Variants in SLC4A3 observed in about 807,000 individuals in gnomAD.
SLC4A3 encodes the protein anion exchange protein 3.
SLC4A3 carries 47 observed loss-of-function variants against 114.2 expected under a neutral mutation model. That is an observed-to-expected ratio of 0.41 (90% confidence interval 0.33 to 0.52). The LOEUF (loss-of-function observed/expected upper bound fraction) is 0.52, where lower values mean the gene tolerates loss of function less well. Ranked by LOEUF, SLC4A3 falls within the 20% of genes least tolerant of loss-of-function variation. The pLI, the probability that SLC4A3 is intolerant of heterozygous loss-of-function variation, is 0.21. For missense variants in SLC4A3, 1,312 were observed against 1,668.3 expected, an observed-to-expected ratio of 0.79 and a Z score of 3.72; for synonymous variants, 693 against 710.3, an observed-to-expected ratio of 0.98 and a Z score of 0.39.
rs1698831972 is a variant in SLC4A3, at chr2:219,629,274, TGC to T, written c.349_350del (p.Ala117SerfsTer19). 1 of 1,613,728 alleles carries T rather than the reference TGC, an allele frequency of 6.2e-7. No homozygotes were observed. The highest frequency in any genetic ancestry group is 1.3e-5 in the African/African-American group (1 of 74,898). On this transcript the variant is annotated frameshift_variant, in exon 4 of 23. Coordinates refer to ENST00000358055, the MANE Select transcript of SLC4A3 (RefSeq NM_005070.4). LOFTEE classifies it high-confidence loss of function. Reference protein sequence around the residue: ...RRKRKKEKTSAPPSEGTPPIQ... With the variant: ...RRKRKKEKTSXPPSEGTPPIQ... ...GAAAGAGGAAGAAGGAGAAAACCTCTGCTCCTCCCTCCGAGGGGACCCCTCCC... is the reference window on the plus strand; with the variant it reads ...GAAAGAGGAAGAAGGAGAAAACCTCTTCCTCCCTCCGAGGGGACCCCTCCC...
At position 219,631,155 on chromosome 2, in the gene SLC4A3, A is replaced by C; in HGVS notation, c.811+803A>C. ...CCACCTTCAGCTCTGGTTGGACAGAAGCCACCCCGTCCAGGCTCCCACCTT... is the reference window on the plus strand; with the variant it reads ...CCACCTTCAGCTCTGGTTGGACAGACGCCACCCCGTCCAGGCTCCCACCTT... On this transcript the variant is annotated intron_variant, in intron 6 of 22. Transcript: ENST00000358055. This position sits in a 1 kb window ranked among gnomAD's most constrained non-coding sequence, Gnocchi z 6.3. 2 of 1,179,748 alleles carry C rather than the reference A, an allele frequency of 1.7e-6. No homozygotes were observed. The highest frequency in any genetic ancestry group is 2.2e-6 in the Non-Finnish European group (2 of 927,682). 73.1% of individuals were successfully genotyped at this position (1,179,748 alleles called of 1,614,324 possible). A position where few individuals can be genotyped will look rare whatever the true frequency, so the allele number is the denominator to read the frequency against.
Position 219,639,430 on chromosome 2 carries a change from C to A in SLC4A3, c.3024-52C>A. 1.3e-6 allele frequency: 2 copies of A among 1,588,970 alleles called. No homozygotes were observed. The highest frequency in any genetic ancestry group is 1.1e-5 in the South Asian group (1 of 88,670). ...TCTCTGTGTGCGTGCCTGTCTTTGT[C>A]CCCTGCCCCTGCCAGGCCAGCCACA... On this transcript the variant is annotated intron_variant, in intron 19 of 22. Coordinates refer to ENST00000358055, the MANE Select transcript of SLC4A3 (RefSeq NM_005070.4). The surrounding 1 kb of genome is among the most constrained non-coding windows in gnomAD (Gnocchi z 5.9).
rs892142572 is a variant in SLC4A3, at chr2:219,629,630, T to C, written c.546T>C (p.Ala182=). The C allele has an allele frequency of 1.1e-5, 17 of 1,612,814 alleles. No individual in the cohort carries two copies. The highest frequency in any genetic ancestry group is 1.4e-5 in the Non-Finnish European group (17 of 1,179,714). Residue 182 remains alanine (A), a synonymous_variant, in exon 5 of 23, where the codon GCT becomes GCC. Coordinates refer to ENST00000358055, the MANE Select transcript of SLC4A3 (RefSeq NM_005070.4). ...EDDSPGLPGR[A]AVTKPLPSVG... ...ACAGTCCAGGCCTCCCTGGGAGGGCTGCTGTCACCAAGCCCCTGCCCTCGG... is the reference window on the plus strand; with the variant it reads ...ACAGTCCAGGCCTCCCTGGGAGGGCCGCTGTCACCAAGCCCCTGCCCTCGG...
In SLC4A3 at chr2:219,636,494, T is replaced by A; in HGVS notation, c.2340+44T>A. On this transcript the variant is annotated intron_variant, in intron 15 of 22. Transcript: ENST00000358055. The surrounding 1 kb of genome is among the most constrained non-coding windows in gnomAD (Gnocchi z 5.5). ...CTGCTCCATCCATCCTGCCCCACACTCTTCCTTACCTACATCCTGCCCCAC... is the reference window on the plus strand; with the variant it reads ...CTGCTCCATCCATCCTGCCCCACACACTTCCTTACCTACATCCTGCCCCAC... 6.5e-7 allele frequency: 1 copy of A among 1,543,680 alleles called. No homozygotes were observed. The highest frequency in any genetic ancestry group is 2.3e-5 in the East Asian group (1 of 44,350).
At position 219,632,441 on chromosome 2, in the gene SLC4A3, T is replaced by C; in HGVS notation, c.1140T>C (p.His380=). 1 of 1,587,754 alleles carries C rather than the reference T, an allele frequency of 6.3e-7. No individual in the cohort carries two copies. The highest frequency in any genetic ancestry group is 8.6e-7 in the Non-Finnish European group (1 of 1,166,852). The part of the protein sequence containing the change: ...SLLELRRTIA[H]GAALLDLEQT... ...TGGAGCTCAGGAGGACCATCGCCCATGGTAGGGACCCCCAGGCCTGGCCCG... is the reference window on the plus strand; with the variant it reads ...TGGAGCTCAGGAGGACCATCGCCCACGGTAGGGACCCCCAGGCCTGGCCCG... The change falls in exon 8 of 23, where the codon CAT becomes CAC. Residue 380 remains histidine (H), a splice_region_variant and synonymous_variant. Coordinates refer to ENST00000358055, the MANE Select transcript of SLC4A3 (RefSeq NM_005070.4).
chr2:219,635,211 C>T (rs948830496), intron 12 of SLC4A3, 60 bp from the exon 13 acceptor site: 1 of 1,404,750 alleles, frequency 7.1e-7, no homozygotes, highest in Non-Finnish European at 1.0e-6. Flanking sequence ...CGCCTCAAGT[C>T]TCCCTCCTGG....
Position 219,630,566 on chromosome 2 carries a change from C to T in SLC4A3, c.811+214C>T, listed in dbSNP as rs549003340. ...TGAGATTTCCTTTCCTGACACCTCA[C>T]GCCTCAGTCCTGATTCTGTCCTCTG... On this transcript the variant is annotated intron_variant, in intron 6 of 22. Transcript: ENST00000358055. This position sits in a 1 kb window ranked among gnomAD's most constrained non-coding sequence, Gnocchi z 6.9. Among the ~76,000 whole-genome samples, 2 of 152,132 alleles carry T rather than the reference C, an allele frequency of 1.3e-5. No individual in the cohort carries two copies. Among genetic ancestry groups the T allele is most frequent in the African/African-American group, 2.4e-5 (1 of 41,400 alleles).
chr2:219,633,218 G>T, intron 9 of SLC4A3, 56 bp from the exon 10 acceptor site: 1 of 1,497,010 alleles, frequency 6.7e-7, no homozygotes, highest in Non-Finnish European at 9.0e-7. Flanking sequence ...CTCACCTCAT[G>T]ACCTCAGTCT....
In SLC4A3 at chr2:219,632,341, T is replaced by G. The variant is rs1442391042; in HGVS notation, c.1040T>G (p.Phe347Cys). 6.2e-7 allele frequency: 1 copy of G among 1,613,958 alleles called. No homozygotes were observed. Among genetic ancestry groups the G allele is most frequent in the Non-Finnish European group, 8.5e-7 (1 of 1,179,988 alleles). Reference protein sequence around the residue: ...HWRETARWIKFEEDVEEETER... With the variant: ...HWRETARWIKCEEDVEEETER... ...CGGGAGACGGCCCGCTGGATCAAGTTTGAGGAGGACGTGGAGGAGGAGACG... is the reference window on the plus strand; with the variant it reads ...CGGGAGACGGCCCGCTGGATCAAGTGTGAGGAGGACGTGGAGGAGGAGACG... Residue 347 changes from phenylalanine to cysteine, a missense_variant, in exon 8 of 23, where the codon TTT (phenylalanine) becomes TGT (cysteine). Transcript: ENST00000358055.
Position 219,636,618 on chromosome 2 carries a change from AG to A in SLC4A3, c.2341-57del. ...TCGGAGTTCATCCGCTGCCTATTCC[AG>A]GGGGCATTGACACCCAGGGCAGTCC... On this transcript the variant is annotated intron_variant, in intron 15 of 22. Transcript: ENST00000358055. The surrounding 1 kb of genome is among the most constrained non-coding windows in gnomAD (Gnocchi z 5.5). 1 of 1,518,350 alleles carries A rather than the reference AG, an allele frequency of 6.6e-7. No individual in the cohort carries two copies. Among genetic ancestry groups the A allele is most frequent in the Non-Finnish European group, 9.0e-7 (1 of 1,115,396 alleles). 94.1% of individuals were successfully genotyped at this position (1,518,350 alleles called of 1,614,324 possible).
rs1699338107 is a variant in SLC4A3 at position 219,641,884 on chromosome 2, C to T, written c.*156C>T. 1.6e-6 allele frequency: 1 copy of T among 621,956 alleles called. No individual in the cohort carries two copies. The highest frequency in any genetic ancestry group is 2.9e-6 in the Non-Finnish European group (1 of 348,722). The allele number at this position is 621,956 out of a possible 1,614,324, so 38.5% of individuals were successfully genotyped here. ...ATGGCTAGAGTGGCCCCCCTGACTT[C>T]TGCCCGGGGTGTTGACCTCGCCTCA... is the stretch of plus-strand genomic sequence containing the variant. On this transcript the variant is annotated 3_prime_UTR_variant, in exon 23 of 23. Coordinates refer to ENST00000358055, the MANE Select transcript of SLC4A3 (RefSeq NM_005070.4). The surrounding 1 kb of genome is among the most constrained non-coding windows in gnomAD (Gnocchi z 4.0).
In SLC4A3 at chr2:219,629,600, G is replaced by A; in HGVS notation, c.516G>A (p.Glu172=). The A allele has an allele frequency of 6.2e-7, 1 of 1,613,008 alleles. No homozygotes were observed. Among genetic ancestry groups the A allele is most frequent in the Admixed American group, 1.7e-5 (1 of 60,016 alleles). ...QKAKFSIGSD[E]DDSPGLPGRA... is the part of the protein sequence containing the mutation. ...TGCAGTTCTCCATTGGAAGTGACGA[G>A]GATGACAGTCCAGGCCTCCCTGGGA... Residue 172 remains glutamate (E), a synonymous_variant, in exon 5 of 23, where the codon GAG becomes GAA. Transcript: ENST00000358055.
At position 219,637,406 on chromosome 2, in the gene SLC4A3, G is replaced by A. The variant is rs1699161750; in HGVS notation, c.2536-175G>A. Among the ~76,000 whole-genome samples, 1 of 151,892 alleles carries A rather than the reference G, an allele frequency of 6.6e-6. No individual in the cohort carries two copies. The highest frequency in any genetic ancestry group is 1.5e-5 in the Non-Finnish European group (1 of 67,956). On this transcript the variant is annotated intron_variant, in intron 16 of 22. Transcript: ENST00000358055. The surrounding 1 kb of genome is among the most constrained non-coding windows in gnomAD (Gnocchi z 4.6). Reference sequence around the variant, plus strand: ...TTGTTACGTGTTGTGTGTGTTGTATGTGTGTGTTCTGTGTGTTCTGTGTGT... The same window carrying A: ...TTGTTACGTGTTGTGTGTGTTGTATATGTGTGTTCTGTGTGTTCTGTGTGT...
chr2:219,636,809 C>T lies in SLC4A3; in HGVS notation c.2470C>T (p.Gln824Ter). ...GGTCCGCTACATCTCGCCTTTCACC[C>T]AGGAGATCTTTGCCTTTCTCATCTC... ...FLVRYISPFT[Q>*]EIFAFLISLI... The change falls in exon 16 of 23, where the codon CAG becomes TAG. Residue 824 changes from glutamine to a stop codon, truncating the protein, a stop_gained. Coordinates refer to ENST00000358055, the MANE Select transcript of SLC4A3 (RefSeq NM_005070.4). LOFTEE classifies it high-confidence loss of function. The surrounding 1 kb of genome is among the most constrained non-coding windows in gnomAD (Gnocchi z 5.5). The T allele has an allele frequency of 6.2e-7, 1 of 1,614,102 alleles. No homozygotes were observed. Among genetic ancestry groups the T allele is most frequent in the South Asian group, 1.1e-5 (1 of 91,074 alleles).
intron 5 of SLC4A3, 117 bp downstream of exon 5, chr2:219,629,812 AGAG>A: frequency 7.2e-6 from 2 of 277,136 alleles, no homozygotes; most frequent in Non-Finnish European, 1.3e-5. Context: ...CCCTGAGAAA[AGAG>A]GAGCAGGGTG....
intron 9 of SLC4A3, 120 bp downstream of exon 9, chr2:219,633,129 C>A: frequency 7.1e-7 from 1 of 1,413,912 alleles, no homozygotes; most frequent in South Asian, 1.3e-5. Flanking sequence ...GAGCTCATTT[C>A]TATCTTTTGA....
At chr2:219,634,017 G>T (rs1699033301) in intron 11 of SLC4A3, 38 bp downstream of exon 11, 1 of 1,513,354 alleles carries the variant, frequency 6.6e-7, no homozygotes, top group South Asian at 1.3e-5. Flanking sequence ...GGTCTGCAGT[G>T]TGTGTGTGCC....
Position 219,631,869 on chromosome 2 carries a change from A to C in SLC4A3, c.812-99A>C. On this transcript the variant is annotated intron_variant, in intron 6 of 22. Transcript: ENST00000358055. This position sits in a 1 kb window ranked among gnomAD's most constrained non-coding sequence, Gnocchi z 6.3. Reference sequence around the variant, plus strand: ...GTCGGCATGGCCTGTTGGTGACTGTAGAGCTCACCAAGTAGATGGGTTGGG... The same window carrying C: ...GTCGGCATGGCCTGTTGGTGACTGTCGAGCTCACCAAGTAGATGGGTTGGG... 82 of 1,287,860 alleles carry C rather than the reference A, an allele frequency of 6.4e-5. No individual in the cohort carries two copies. The highest frequency in any genetic ancestry group is 2.8e-4 in the Middle Eastern group (1 of 3,578). The allele number at this position is 1,287,860 out of a possible 1,614,324, so 79.8% of individuals were successfully genotyped here.
In SLC4A3 at chr2:219,636,390, G is replaced by C; in HGVS notation, c.2280G>C (p.Gln760His). 1 of 1,613,448 alleles carries C rather than the reference G, an allele frequency of 6.2e-7. No homozygotes were observed. The highest frequency in any genetic ancestry group is 8.5e-7 in the Non-Finnish European group (1 of 1,179,798). The change falls in exon 15 of 23, where the codon CAG becomes CAC. Residue 760 changes from glutamine to histidine, a missense_variant. Coordinates refer to ENST00000358055, the MANE Select transcript of SLC4A3 (RefSeq NM_005070.4). This position sits in a 1 kb window ranked among gnomAD's most constrained non-coding sequence, Gnocchi z 5.5. ...TCCTCTTCTCTCTGCTGGGAGCTCA[G>C]CCGCTGCTTGTGGTTGGCTTCTCTG... The part of the protein sequence containing the change: ...LGVLFSLLGA[Q>H]PLLVVGFSGP...
Sources: allele counts gnomAD v4.1 joint callset (sites outside exome capture counted in the v4.1 genomes callset), GRCh38; gene constraint gnomAD v4.1.1; non-coding constraint Gnocchi (gnomAD v3.1); transcripts MANE v1.5; gene names NCBI Gene and HGNC (gene_info 2026-07-23, HGNC 2026-07-21).